The following TMEM64 variants were observed in gnomAD, a reference collection of about 807,000 sequenced individuals.
TMEM64 encodes transmembrane protein 64.
Under a neutral mutation model 24.5 loss-of-function variants are expected in TMEM64, and 19 were observed. The ratio of observed to expected loss-of-function variants is 0.78; its 90% CI spans 0.54 to 1.14. The LOEUF (loss-of-function observed/expected upper bound fraction) is 1.14, where lower values mean the gene tolerates loss of function less well. TMEM64 is among the 50% of genes most tolerant of loss of function. The probability of loss-of-function intolerance (pLI) is 0.00; values close to 1 mark genes in which losing one functional copy is unlikely to be tolerated. For missense variants in TMEM64, 487 were observed against 493.0 expected, an observed-to-expected ratio of 0.99 and a Z score of 0.12; for synonymous variants, 262 against 224.7, an observed-to-expected ratio of 1.17 and a Z score of -1.49.
intron 2 of TMEM64, 28 bp from the exon 3 acceptor site, chr8:90,625,890 T>A (rs1235580812): frequency 6.8e-7 from 1 of 1,471,228 alleles, no homozygotes; most frequent in Non-Finnish European, 9.2e-7. Flanking sequence ...ACATTACAGT[T>A]ATCAATATTT....
chr8:90,631,785 T>G (rs1809444011), intron 1 of TMEM64, 78 bp from the exon 2 acceptor site: 3 of 1,275,030 alleles, frequency 2.4e-6, no homozygotes, highest in Admixed American at 1.8e-5. Flanking sequence ...GTGTATTAAG[T>G]CTAACTAGTG....
intron 1 of TMEM64, among the ~76,000 whole-genome samples, chr8:90,633,146 G>A (rs887231458): frequency 1.3e-5 from 2 of 152,186 alleles, no homozygotes; most frequent in Non-Finnish European, 2.9e-5. Context: ...ACAGGCAAGA[G>A]CAGAAGTGAG....
intron 2 of TMEM64, among the ~76,000 whole-genome samples, chr8:90,626,281 C>T (rs1036086460): frequency 6.6e-6 from 1 of 152,168 alleles, no homozygotes; most frequent in Non-Finnish European, 1.5e-5. Flanking sequence ...TCTAAGCCCA[C>T]TTAGTGAGAA....
intron 1 of TMEM64, among the ~76,000 whole-genome samples, chr8:90,638,924 T>C (rs557693819): frequency 5.6e-4 from 86 of 152,280 alleles, no homozygotes; most frequent in African/African-American, 1.9e-3. Context: ...CTTTCTTTTA[T>C]TCACGGCTAC....
Position 90,624,475 on chromosome 8 carries a change from ATATTC to A in TMEM64, c.*1191_*1195del, listed in dbSNP as rs567507418. 134 of 152,666 alleles carry A rather than the reference ATATTC, an allele frequency of 8.8e-4. No homozygotes were observed. Among genetic ancestry groups the A allele is most frequent in the African/African-American group, 2.9e-3 (121 of 41,580 alleles). 9.5% of individuals were successfully genotyped at this position (152,666 alleles called of 1,614,324 possible). A position where few individuals can be genotyped will look rare whatever the true frequency, so the allele number is the denominator to read the frequency against. On this transcript the variant is annotated 3_prime_UTR_variant, in exon 3 of 3. Coordinates refer to ENST00000458549, the MANE Select transcript of TMEM64 (RefSeq NM_001008495.4). ...TGTAATATGAATCATATGCCAAATT[ATATTC>A]TATAGTCATAAGTGCTATTAATAAA...
At chr8:90,625,994 T>C in intron 2 of TMEM64, 132 bp from the exon 3 acceptor site, 1 of 651,776 alleles carries the variant, frequency 1.5e-6, no homozygotes, top group Non-Finnish European at 2.5e-6. Context: ...GGGTTATACA[T>C]TTTTAAATAG....
intron 2 of TMEM64, among the ~76,000 whole-genome samples, chr8:90,627,920 T>C (rs1447381024): frequency 6.6e-6 from 1 of 152,070 alleles, no homozygotes; most frequent in East Asian, 1.9e-4. Flanking sequence ...GGAAAGTACA[T>C]CTCATTTAGA....
At chr8:90,631,739 T>C (rs375846994) in intron 1 of TMEM64, 32 bp from the exon 2 acceptor site, 50 of 1,565,172 alleles carry the variant, frequency 3.2e-5, no homozygotes, top group Non-Finnish European at 4.2e-5. Flanking sequence ...AATGATTCAT[T>C]ACCAAGTAAA....
At chr8:90,630,679 G>T (rs976632722) in intron 2 of TMEM64, among the ~76,000 whole-genome samples, 1 of 151,916 alleles carries the variant, frequency 6.6e-6, no homozygotes, top group African/African-American at 2.4e-5. Flanking sequence ...TACATAACCA[G>T]CTCAAGATAA....
In TMEM64 at chr8:90,624,440, C is replaced by T. The variant is rs12545351; in HGVS notation, c.*1231G>A. On this transcript the variant is annotated 3_prime_UTR_variant, in exon 3 of 3. Coordinates refer to ENST00000458549, the MANE Select transcript of TMEM64 (RefSeq NM_001008495.4). ...TTTATAAACTATTTTAAAAATAAAACGAATACATATGTAATATGAATCATA... is the reference window on the plus strand; with the variant it reads ...TTTATAAACTATTTTAAAAATAAAATGAATACATATGTAATATGAATCATA... The T allele has an allele frequency of 0.5, 76,049 of 152,106 alleles. 20,686 individuals are homozygous for T. The highest frequency in any genetic ancestry group is 0.73 in the East Asian group (3,798 of 5,176). The allele number at this position is 152,106 out of a possible 1,614,324, so 9.4% of individuals were successfully genotyped here. A position where few individuals can be genotyped will look rare whatever the true frequency, so the allele number is the denominator to read the frequency against.
At chr8:90,628,136 G>T (rs1449414737) in intron 2 of TMEM64, among the ~76,000 whole-genome samples, 1 of 152,174 alleles carries the variant, frequency 6.6e-6, no homozygotes, top group African/African-American at 2.4e-5. Context: ...TTAGAAAATG[G>T]AAATAGATAG....
At chr8:90,643,512 T>G (rs1199112712) in intron 1 of TMEM64, among the ~76,000 whole-genome samples, 1 of 152,188 alleles carries the variant, frequency 6.6e-6, no homozygotes, top group East Asian at 1.9e-4. Flanking sequence ...CTATAATATG[T>G]GCATAATTAA....
At chr8:90,636,258 T>A (rs1016329292) in intron 1 of TMEM64, among the ~76,000 whole-genome samples, 1 of 152,210 alleles carries the variant, frequency 6.6e-6, no homozygotes, top group African/African-American at 2.4e-5. Context: ...TATTTTTGTT[T>A]TATATATATT....
intron 2 of TMEM64, among the ~76,000 whole-genome samples, chr8:90,628,123 G>A (rs1417368627): frequency 6.6e-6 from 1 of 152,088 alleles, no homozygotes; most frequent in Non-Finnish European, 1.5e-5. Context: ...TGTTAAAAAG[G>A]GTTTAGAAAA....
At chr8:90,637,663 T>C (rs1809544503) in intron 1 of TMEM64, among the ~76,000 whole-genome samples, 1 of 152,228 alleles carries the variant, frequency 6.6e-6, no homozygotes, top group East Asian at 1.9e-4. Context: ...AAGAAAGGAT[T>C]GGTCAAGAGA....
At chr8:90,632,524 A>C (rs1463204930) in intron 1 of TMEM64, among the ~76,000 whole-genome samples, 2 of 152,058 alleles carry the variant, frequency 1.3e-5, no homozygotes, top group Non-Finnish European at 2.9e-5. Flanking sequence ...GGGTTTCACC[A>C]TATTAGCCAG....
rs566433212 is a variant in TMEM64 at position 90,623,302 on chromosome 8, T to G, written c.*2369A>C. 6.6e-6 allele frequency: 1 copy of G among 152,172 alleles called. No individual in the cohort carries two copies. Among genetic ancestry groups the G allele is most frequent in the Non-Finnish European group, 1.5e-5 (1 of 68,016 alleles). 9.4% of individuals were successfully genotyped at this position (152,172 alleles called of 1,614,324 possible). A position where few individuals can be genotyped will look rare whatever the true frequency, so the allele number is the denominator to read the frequency against. ...CAGCAATATTTGGACAACATAAAAG[T>G]ATCCTGTAGATATGTGTTGCTGCCA... is the stretch of plus-strand genomic sequence containing the variant. On this transcript the variant is annotated 3_prime_UTR_variant, in exon 3 of 3. Transcript: ENST00000458549.
rs1280829938 is a variant in TMEM64 at position 90,625,892 on chromosome 8, T to A, written c.952-30A>T. 2.7e-6 allele frequency: 4 copies of A among 1,465,820 alleles called. No homozygotes were observed. In the South Asian group the frequency reaches 5.1e-5, roughly 19 times the overall value. The allele number at this position is 1,465,820 out of a possible 1,614,324, so 90.8% of individuals were successfully genotyped here. The stretch of plus-strand genomic sequence containing the variant: ...GAATAAAAATAAAACATTACAGTTA[T>A]CAATATTTTATACAAAAAAAAGAAA... On this transcript the variant is annotated intron_variant, in intron 2 of 2. Coordinates refer to ENST00000458549, the MANE Select transcript of TMEM64 (RefSeq NM_001008495.4).
chr8:90,627,407 T>G (rs1809375753), intron 2 of TMEM64, among the ~76,000 whole-genome samples: 1 of 144,988 alleles, frequency 6.9e-6, no homozygotes, highest in African/African-American at 2.6e-5. Context: ...TACCGAAAAC[T>G]CCTAAGTTTG....
Sources: allele counts gnomAD v4.1 joint callset (sites outside exome capture counted in the v4.1 genomes callset), GRCh38; gene constraint gnomAD v4.1.1; transcripts MANE v1.5; gene names NCBI Gene and HGNC (gene_info 2026-07-23, HGNC 2026-07-21).